Variants in NELL1 observed in about 807,000 individuals in gnomAD.
The protein encoded by NELL1 is neural EGFL like 1.
Under a neutral mutation model 107.4 loss-of-function variants are expected in NELL1, and 76 were observed. The observed-to-expected ratio is 0.71, with a 90% CI of 0.59 to 0.86. The LOEUF (loss-of-function observed/expected upper bound fraction) is 0.86. Ranked by LOEUF, NELL1 falls within the 40% of genes least tolerant of loss-of-function variation. NELL1 has a pLI of 0.00. For missense variants in NELL1, 1,024 were observed against 1,005.5 expected (o/e 1.02, Z -0.25); for synonymous variants, 353 against 341.2 (o/e 1.03, Z -0.38).
chr11:21,489,398 A>AAAAAAAAAAAAAAAAAAAAAAAAC (rs1854737309), intron 15 of NELL1, among the ~76,000 whole-genome samples: 1 of 146,420 alleles, frequency 6.8e-6, no homozygotes, highest in African/African-American at 2.5e-5. Flanking sequence ...AAAAAAAAAA[A>AAAAAAAAAAAAAAAAAAAAAAAAC]AAAAAAAAAA....
At chr11:21,520,044 G>C (rs1476467376) in intron 15 of NELL1, among the ~76,000 whole-genome samples, 2 of 152,154 alleles carry the variant, frequency 1.3e-5, no homozygotes, top group Non-Finnish European at 2.9e-5. Flanking sequence ...TAGGAGAAGA[G>C]AGATATGGAA....
intron 15 of NELL1, among the ~76,000 whole-genome samples, chr11:21,421,809 A>G (rs1590920446): frequency 6.6e-6 from 1 of 152,178 alleles, no homozygotes. Context: ...ATGACCTCTA[A>G]GTAAGATGAC....
Position 21,409,961 on chromosome 11 carries a change from A to T in NELL1, c.1645+39013A>T, listed in dbSNP as rs187803167. Among the ~76,000 whole-genome samples, 1,107 of 152,176 alleles carry T rather than the reference A, an allele frequency of 7.3e-3. 15 individuals are homozygous for T. The highest frequency in any genetic ancestry group is 0.025 in the African/African-American group (1,052 of 41,558). On this transcript the variant is annotated intron_variant, in intron 15 of 19. Coordinates refer to ENST00000357134, the MANE Select transcript of NELL1 (RefSeq NM_006157.5). ...AGAAACAATACAAAAATGAGTTTAA[A>T]TTTTTTTAATTTAGGATATTGTTTC...
intron 5 of NELL1, among the ~76,000 whole-genome samples, chr11:20,887,138 A>T (rs1849525465): frequency 6.6e-6 from 1 of 152,140 alleles, no homozygotes; most frequent in African/African-American, 2.4e-5. Flanking sequence ...CTATGTTGAG[A>T]TTCACCAAGT....
intron 15 of NELL1, among the ~76,000 whole-genome samples, chr11:21,478,330 C>T (rs547652999): frequency 1.7e-4 from 26 of 152,128 alleles, no homozygotes; most frequent in South Asian, 8.3e-4. Context: ...GAAGGCCAAA[C>T]CATATCATTC....
At chr11:21,499,550 C>G (rs1855082122) in intron 15 of NELL1, among the ~76,000 whole-genome samples, 1 of 152,066 alleles carries the variant, frequency 6.6e-6, no homozygotes, top group Non-Finnish European at 1.5e-5. Context: ...TAAAATTCAT[C>G]AACTGGAATG....
intron 4 of NELL1, among the ~76,000 whole-genome samples, chr11:20,870,778 C>T (rs575626688): frequency 3.2e-4 from 49 of 152,308 alleles, no homozygotes; most frequent in African/African-American, 1.1e-3. Context: ...GAAATTTTAT[C>T]TAAATTGCTT....
intron 13 of NELL1, among the ~76,000 whole-genome samples, chr11:21,135,680 A>C (rs1462434354): frequency 6.6e-6 from 1 of 152,238 alleles, no homozygotes; most frequent in Non-Finnish European, 1.5e-5. Context: ...GCTTAATGGA[A>C]TTATAGCATA....
At position 21,132,234 on chromosome 11, in the gene NELL1, C is replaced by T. The variant is rs1015862031; in HGVS notation, c.1426+18520C>T. Among the ~76,000 whole-genome samples, 5 of 151,972 alleles carry T rather than the reference C, an allele frequency of 3.3e-5. No individual in the cohort carries two copies. The East Asian group carries it at 5.8e-4, about 18-fold the overall frequency. ...GTCTGTGTGTGTATTTGTATATGCACGCGTGCACACACACAGGGCAATGGG... is the reference window on the plus strand; with the variant it reads ...GTCTGTGTGTGTATTTGTATATGCATGCGTGCACACACACAGGGCAATGGG... On this transcript the variant is annotated intron_variant, in intron 13 of 19. Coordinates refer to ENST00000357134, the MANE Select transcript of NELL1 (RefSeq NM_006157.5).
At chr11:21,410,113 C>G (rs1283988053) in intron 15 of NELL1, among the ~76,000 whole-genome samples, 1 of 151,822 alleles carries the variant, frequency 6.6e-6, no homozygotes, top group Admixed American at 6.6e-5. Context: ...AGTGTTTTCC[C>G]CCTTCTTTTT....
At chr11:21,129,571 C>T (rs1009696768) in intron 13 of NELL1, among the ~76,000 whole-genome samples, 1 of 151,982 alleles carries the variant, frequency 6.6e-6, no homozygotes, top group East Asian at 1.9e-4. Context: ...AATATTATTC[C>T]GTTTTAAAAA....
intron 11 of NELL1, among the ~76,000 whole-genome samples, chr11:20,948,839 A>C (rs1851016913): frequency 6.6e-6 from 1 of 151,792 alleles, no homozygotes; most frequent in Non-Finnish European, 1.5e-5. Flanking sequence ...TAAATACTTC[A>C]GATTCTCAAA....
intron 14 of NELL1, among the ~76,000 whole-genome samples, chr11:21,341,916 C>T (rs1459267041): frequency 1.3e-5 from 2 of 152,074 alleles, no homozygotes; most frequent in Admixed American, 1.3e-4. Flanking sequence ...CTAAACATTT[C>T]CACTGTTAGT....
intron 15 of NELL1, among the ~76,000 whole-genome samples, chr11:21,481,724 G>A (rs1411135153): frequency 1.3e-5 from 2 of 152,200 alleles, no homozygotes; most frequent in Non-Finnish European, 2.9e-5. Context: ...AGCATCTGCT[G>A]CTGACTGTAG....
intron 14 of NELL1, among the ~76,000 whole-genome samples, chr11:21,337,937 T>A (rs1366296662): frequency 2.0e-5 from 3 of 151,382 alleles, no homozygotes; most frequent in Non-Finnish European, 4.4e-5. Flanking sequence ...TAGCCACTAT[T>A]TAACAAATTA....
intron 14 of NELL1, among the ~76,000 whole-genome samples, chr11:21,366,611 T>G (rs1851229266): frequency 6.6e-6 from 1 of 152,048 alleles, no homozygotes; most frequent in African/African-American, 2.4e-5. Context: ...TTGAGCAGCA[T>G]CATCCTGATA....
chr11:20,869,650 G>C (rs1286734414), intron 4 of NELL1, among the ~76,000 whole-genome samples: 1 of 152,146 alleles, frequency 6.6e-6, no homozygotes, highest in Non-Finnish European at 1.5e-5. Context: ...GGGATACCAA[G>C]GCAAATAAGA....
chr11:21,533,844 A>C (rs1235485190), intron 15 of NELL1, among the ~76,000 whole-genome samples: 1 of 152,270 alleles, frequency 6.6e-6, no homozygotes, highest in East Asian at 1.9e-4. Context: ...TAGCTAAATA[A>C]ATTTCGGAAA....
chr11:21,070,515 G>T (rs1168283440), intron 12 of NELL1, among the ~76,000 whole-genome samples: 1 of 152,068 alleles, frequency 6.6e-6, no homozygotes, highest in African/African-American at 2.4e-5. Context: ...TGTTCCAGGG[G>T]CTCCATGAGG....
Sources: gnomAD v4.1 joint callset for allele counts (sites outside exome capture counted in the v4.1 genomes callset) on GRCh38, gnomAD v4.1.1 for gene constraint, MANE v1.5 for transcripts, NCBI Gene and HGNC (gene_info 2026-07-23, HGNC 2026-07-21) for gene names.